The following MCUB variants were observed in gnomAD, a reference collection of about 807,000 sequenced individuals.
MCUB encodes mitochondrial calcium uniporter dominant negative subunit beta, also known as calcium uniporter regulatory subunit MCUb, mitochondrial.
In MCUB, 46 loss-of-function variants were observed where a neutral mutation model predicts 41.4. That is an observed-to-expected ratio of 1.11 (90% CI 0.88 to 1.42). The LOEUF (loss-of-function observed/expected upper bound fraction) is 1.42, where lower values mean the gene tolerates loss of function less well. MCUB is among the 40% of genes most tolerant of loss of function. The pLI, the probability that MCUB is intolerant of heterozygous loss-of-function variation, is 0.00. For missense variants in MCUB, 403 were observed against 404.9 expected (o/e 1.00, Z 0.04); for synonymous variants, 148 against 148.2 (o/e 1.00, Z 0.01).
At chr4:109,599,165 C>T (rs745892781) in intron 1 of MCUB, among the ~76,000 whole-genome samples, 6 of 152,196 alleles carry the variant, frequency 3.9e-5, no homozygotes, top group Non-Finnish European at 8.8e-5. Flanking sequence ...ACAGTGTTAA[C>T]CTTCAACAGG....
intron 1 of MCUB, among the ~76,000 whole-genome samples, chr4:109,638,425 A>C (rs994357437): frequency 1.3e-5 from 2 of 152,064 alleles, no homozygotes; most frequent in Non-Finnish European, 2.9e-5. Flanking sequence ...AAAAAAAAAA[A>C]AAAACCATAC....
chr4:109,560,556 C>A lies in MCUB; in HGVS notation c.99+120C>A, dbSNP rs143482804. 285 of 478,414 alleles carry A rather than the reference C, an allele frequency of 6.0e-4. 1 individual carries two copies. The highest frequency in any genetic ancestry group is 5.0e-3 in the African/African-American group (250 of 49,874). 29.6% of individuals were successfully genotyped at this position (478,414 alleles called of 1,614,324 possible). A position where few individuals can be genotyped will look rare whatever the true frequency, so the allele number is the denominator to read the frequency against. ...CAGTCAACTGCGTTTTGCTGGCTGC[C>A]GGGCTCCGCGCGCCGGGCGGTCCCG... On this transcript the variant is annotated intron_variant, in intron 1 of 7. Coordinates refer to ENST00000394650, the MANE Select transcript of MCUB (RefSeq NM_017918.5).
intron 1 of MCUB, among the ~76,000 whole-genome samples, chr4:109,590,907 T>C (rs552516319): frequency 1.4e-4 from 21 of 152,360 alleles, no homozygotes; most frequent in Admixed American, 3.9e-4. Context: ...AAGGTAATCA[T>C]GTCTTGTCAG....
At chr4:109,639,618 T>A (rs892180323) in intron 1 of MCUB, among the ~76,000 whole-genome samples, 2 of 151,598 alleles carry the variant, frequency 1.3e-5, no homozygotes, top group African/African-American at 4.8e-5. Context: ...ACCTGGGAGG[T>A]AGAACTTGCA....
chr4:109,656,341 C>G (rs976147607), intron 1 of MCUB, among the ~76,000 whole-genome samples: 1 of 113,950 alleles, frequency 8.8e-6, no homozygotes, highest in African/African-American at 3.0e-5. Flanking sequence ...GGGGCTCTAA[C>G]TTTTACTCTC....
At chr4:109,581,054 A>G (rs1398983389) in intron 1 of MCUB, among the ~76,000 whole-genome samples, 2 of 152,238 alleles carry the variant, frequency 1.3e-5, no homozygotes, top group Non-Finnish European at 2.9e-5. Flanking sequence ...GGAACCAAAA[A>G]AGAGTCCACA....
intron 1 of MCUB, among the ~76,000 whole-genome samples, chr4:109,633,424 C>G (rs1381804896): frequency 1.5e-5 from 2 of 133,062 alleles, no homozygotes; most frequent in Non-Finnish European, 3.3e-5. Context: ...TGCACCACCA[C>G]GCCCAGCTAA....
intron 1 of MCUB, among the ~76,000 whole-genome samples, chr4:109,581,689 A>T (rs1318868246): frequency 6.6e-6 from 1 of 152,242 alleles, no homozygotes; most frequent in East Asian, 1.9e-4. Flanking sequence ...TTTACAAGAA[A>T]AAAACAACCC....
intron 1 of MCUB, among the ~76,000 whole-genome samples, chr4:109,575,903 T>G (rs1028500768): frequency 5.3e-5 from 8 of 152,062 alleles, no homozygotes; most frequent in African/African-American, 1.9e-4. Flanking sequence ...CTGGGAACCT[T>G]TTCACTCTTA....
chr4:109,606,245 G>A (rs1416903612), intron 1 of MCUB, among the ~76,000 whole-genome samples: 1 of 152,056 alleles, frequency 6.6e-6, no homozygotes, highest in Non-Finnish European at 1.5e-5. Flanking sequence ...AAAGTGCTGG[G>A]ATTACAGGTG....
At chr4:109,685,006 CCTT>C in intron 6 of MCUB, 1 of 399,524 alleles carries the variant, frequency 2.5e-6, no homozygotes, top group South Asian at 6.1e-5. Context: ...CTTATTTCTT[CCTT>C]CTTCTTTCCC....
intron 7 of MCUB, among the ~76,000 whole-genome samples, chr4:109,686,777 G>A (rs1379829332): frequency 6.6e-6 from 1 of 152,170 alleles, no homozygotes; most frequent in African/African-American, 2.4e-5. Context: ...TTGGGAAGCT[G>A]AAGCAGGAAG....
intron 4 of MCUB, among the ~76,000 whole-genome samples, chr4:109,676,276 C>T (rs1729576645): frequency 6.6e-6 from 1 of 152,158 alleles, no homozygotes; most frequent in African/African-American, 2.4e-5. Context: ...TGGTGACTCG[C>T]ACCTATAATC....
At chr4:109,613,724 A>G (rs940725086) in intron 1 of MCUB, among the ~76,000 whole-genome samples, 5 of 152,212 alleles carry the variant, frequency 3.3e-5, no homozygotes, top group African/African-American at 7.2e-5. Context: ...ACACTTACAT[A>G]AGGGTCAGAA....
intron 4 of MCUB, among the ~76,000 whole-genome samples, chr4:109,673,212 C>G (rs913430794): frequency 6.6e-6 from 1 of 152,206 alleles, no homozygotes; most frequent in African/African-American, 2.4e-5. Flanking sequence ...CCTGGAAGGT[C>G]TTTCACTTGC....
At position 109,641,416 on chromosome 4, in the gene MCUB, TATTA is replaced by T. The variant is rs375126137; in HGVS notation, c.100-17585_100-17582del. On this transcript the variant is annotated intron_variant, in intron 1 of 7. Transcript: ENST00000394650. ...ACCGCACCCGGCCTAACACATACAA[TATTA>T]ATTAATTAAGTTCCCCATCCTATAC... is the stretch of plus-strand genomic sequence containing the variant. Among the ~76,000 whole-genome samples the T allele has an allele frequency of 6.6e-3, 998 of 152,054 alleles. 6 individuals carry two copies. The highest frequency in any genetic ancestry group is 0.023 in the African/African-American group (941 of 41,472).
At chr4:109,629,240 G>A (rs1428387204) in intron 1 of MCUB, among the ~76,000 whole-genome samples, 8 of 152,188 alleles carry the variant, frequency 5.3e-5, no homozygotes, top group African/African-American at 1.9e-4. Flanking sequence ...GGGTTCAAGC[G>A]ATTCTCTTCC....
At chr4:109,636,789 C>T (rs924258932) in intron 1 of MCUB, among the ~76,000 whole-genome samples, 1 of 152,096 alleles carries the variant, frequency 6.6e-6, no homozygotes. Flanking sequence ...GAGCCAAGAT[C>T]GTGCCACCGC....
intron 5 of MCUB, 141 bp downstream of exon 5, chr4:109,682,883 C>A: frequency 1.7e-6 from 1 of 595,002 alleles, no homozygotes; most frequent in Non-Finnish European, 2.9e-6. Flanking sequence ...AAGTTCAGTG[C>A]TTTTATCTTC....
Sources: allele counts gnomAD v4.1 joint callset (sites outside exome capture counted in the v4.1 genomes callset), GRCh38; gene constraint gnomAD v4.1.1; transcripts MANE v1.5; gene names NCBI Gene and HGNC (gene_info 2026-07-23, HGNC 2026-07-21).